Variants in CNR1 observed in about 807,000 individuals in gnomAD.
CNR1 encodes the protein cannabinoid receptor 1.
A neutral mutation model predicts 23.0 loss-of-function variants in CNR1; 10 were observed. The observed-to-expected ratio is 0.43, with a 90% CI of 0.27 to 0.74. The LOEUF is 0.74. CNR1 is among the 30% of genes least tolerant of loss of function. The probability of loss-of-function intolerance (pLI) is 0.19; values close to 1 mark genes in which losing one functional copy is unlikely to be tolerated. For missense variants in CNR1, 422 were observed against 618.8 expected (o/e 0.68, Z 3.37); for synonymous variants, 271 against 255.2 (o/e 1.06, Z -0.59).
intron 1 of CNR1, among the ~76,000 whole-genome samples, chr6:88,159,283 G>A (rs1777961744): frequency 6.6e-6 from 1 of 152,136 alleles, no homozygotes; most frequent in South Asian, 2.1e-4. Flanking sequence ...TACATCTTAA[G>A]AGATGAACCC....
rs1162534379 is a variant in CNR1, at chr6:88,145,062, G to T, written c.213C>A (p.Val71=). Residue 71 remains valine, a synonymous_variant, in exon 2 of 2, where the codon GTC becomes GTA. Coordinates refer to ENST00000369501, the MANE Select transcript of CNR1 (RefSeq NM_016083.6). ...CTGTAATGTTCACCTGGTCTGCTGG[G>T]ACTAGCTGGGGGTTGTCTCCCGCAG... The part of the protein sequence containing the change: ...KMTAGDNPQL[V]PADQVNITEF... The T allele has an allele frequency of 6.2e-7, 1 of 1,614,138 alleles. No homozygotes were observed. The highest frequency in any genetic ancestry group is 2.2e-5 in the East Asian group (1 of 44,882).
At chr6:88,156,563 C>A (rs1777810836) in intron 1 of CNR1, among the ~76,000 whole-genome samples, 1 of 152,204 alleles carries the variant, frequency 6.6e-6, no homozygotes, top group African/African-American at 2.4e-5. Flanking sequence ...TGTGTGAATT[C>A]TCTTTCTCTA....
At position 88,145,044 on chromosome 6, in the gene CNR1, G is replaced by A; in HGVS notation, c.231C>T (p.Asn77=). The A allele has an allele frequency of 1.9e-6, 3 of 1,614,106 alleles. No homozygotes were observed. Among genetic ancestry groups the A allele is most frequent in the Non-Finnish European group, 2.5e-6 (3 of 1,179,998 alleles). Residue 77 remains asparagine (N), a synonymous_variant, in exon 2 of 2, where the codon AAC becomes AAT. Coordinates refer to ENST00000369501, the MANE Select transcript of CNR1 (RefSeq NM_016083.6). ...GAGACTTGTTGTAAAATTCTGTAATGTTCACCTGGTCTGCTGGGACTAGCT... is the reference window on the plus strand; with the variant it reads ...GAGACTTGTTGTAAAATTCTGTAATATTCACCTGGTCTGCTGGGACTAGCT... ...NPQLVPADQV[N]ITEFYNKSLS...
At chr6:88,155,046 T>C (rs185286813) in intron 1 of CNR1, among the ~76,000 whole-genome samples, 156 of 152,366 alleles carry the variant, frequency 1.0e-3, no homozygotes, top group Non-Finnish European at 1.9e-3. Context: ...GTCCACAAAA[T>C]GTGTAGAAAC....
intron 1 of CNR1, among the ~76,000 whole-genome samples, 200 bp from the exon 2 acceptor site, chr6:88,145,537 G>A (rs960465653): frequency 2.6e-5 from 4 of 152,256 alleles, no homozygotes; most frequent in African/African-American, 7.2e-5. Context: ...CAGGGATGGC[G>A]TGGCACATGC....
Position 88,144,581 on chromosome 6 carries a change from T to C in CNR1, c.694A>G (p.Lys232Glu). ...LAYKRIVTRP[K>E]AVVAFCLMWT... ...ATCAGGCAAAACGCCACCACGGCCT[T>C]GGGCCTGGTGACAATCCTCTTATAG... is the stretch of plus-strand genomic sequence containing the variant. Residue 232 changes from lysine to glutamate, a missense_variant, in exon 2 of 2, where the codon AAG (lysine) becomes GAG (glutamate). Around this residue, in one of 4 missense-constraint regions of CNR1, gnomAD observed 211 missense variants for 357.3 expected, o/e 0.59. Transcript: ENST00000369501. This position sits in a 1 kb window ranked among gnomAD's most constrained non-coding sequence, Gnocchi z 7.8. The C allele has an allele frequency of 6.2e-7, 1 of 1,614,212 alleles. No individual in the cohort carries two copies. Among genetic ancestry groups the C allele is most frequent in the South Asian group, 1.1e-5 (1 of 91,082 alleles).
intron 1 of CNR1, among the ~76,000 whole-genome samples, chr6:88,154,849 G>A (rs1307481989): frequency 6.6e-6 from 1 of 152,132 alleles, no homozygotes; most frequent in East Asian, 1.9e-4. Context: ...ACAAGTGCTG[G>A]GATTACAGGC....
Position 88,145,294 on chromosome 6 carries a change from G to A in CNR1, c.-20C>T, listed in dbSNP as rs776807704. On this transcript the variant is annotated 5_prime_UTR_variant, in exon 2 of 2. Coordinates refer to ENST00000369501, the MANE Select transcript of CNR1 (RefSeq NM_016083.6). ...CTTCATAACCTCAGTCTTTGATTAG[G>A]CTGAGCTCAAAATGACTGAGAAAGT... is the stretch of plus-strand genomic sequence containing the variant. 3.2e-6 allele frequency: 5 copies of A among 1,579,808 alleles called. No individual in the cohort carries two copies. The highest frequency in any genetic ancestry group is 3.4e-4 in the Middle Eastern group (2 of 5,912).
At chr6:88,148,902 G>A (rs1036716159) in intron 1 of CNR1, among the ~76,000 whole-genome samples, 7 of 152,232 alleles carry the variant, frequency 4.6e-5, no homozygotes, top group East Asian at 1.9e-4. Flanking sequence ...AGGAGGCACT[G>A]CCAAACTGAG....
At chr6:88,166,549 C>T (rs920089388), upstream of CNR1, among the ~76,000 whole-genome samples, 2 of 152,106 alleles carry the variant, frequency 1.3e-5, no homozygotes, top group Non-Finnish European at 2.9e-5. Flanking sequence ...CCAGAGGGGA[C>T]AAGCCTCTTC....
chr6:88,147,287 G>C (rs1052421067), intron 1 of CNR1, among the ~76,000 whole-genome samples: 1 of 152,178 alleles, frequency 6.6e-6, no homozygotes, highest in Non-Finnish European at 1.5e-5. Context: ...ACTCCAGTCT[G>C]GCAACAGAGC....
At chr6:88,167,049 G>C (rs1340220054), upstream of CNR1, among the ~76,000 whole-genome samples, 1 of 151,668 alleles carries the variant, frequency 6.6e-6, no homozygotes, top group Non-Finnish European at 1.5e-5. Context: ...AGCGCCCGCC[G>C]CCCTTTCCCG....
Position 88,142,360 on chromosome 6 carries a change from T to C in CNR1, c.*1496A>G, listed in dbSNP as rs1426830920. The C allele has an allele frequency of 6.6e-6, 1 of 150,736 alleles. No homozygotes were observed. The highest frequency in any genetic ancestry group is 1.9e-4 in the East Asian group (1 of 5,340). 9.3% of individuals were successfully genotyped at this position (150,736 alleles called of 1,614,324 possible). ...TAGTGCATACTATCTACACACGCTA[T>C]TGAAAAATGTTACCATTGTTTTTCT... is the stretch of plus-strand genomic sequence containing the variant. On this transcript the variant is annotated 3_prime_UTR_variant, in exon 2 of 2. Transcript: ENST00000369501.
intron 1 of CNR1, among the ~76,000 whole-genome samples, chr6:88,159,664 G>C (rs950402567): frequency 6.6e-6 from 1 of 152,166 alleles, no homozygotes; most frequent in Non-Finnish European, 1.5e-5. Context: ...CACATACGCA[G>C]AGACACAAAA....
intron 1 of CNR1, among the ~76,000 whole-genome samples, chr6:88,161,515 C>A (rs1474418164): frequency 6.6e-6 from 1 of 152,088 alleles, no homozygotes; most frequent in Non-Finnish European, 1.5e-5. Context: ...GAAACTAGAT[C>A]AAGAATATAT....
rs746929786 is a variant in CNR1, at chr6:88,143,862, A to G, written c.1413T>C (p.Ala471=). Residue 471 remains alanine (A), a synonymous_variant, in exon 2 of 2, where the codon GCT becomes GCC. Coordinates refer to ENST00000369501, the MANE Select transcript of CNR1 (RefSeq NM_016083.6). ...MSVSTDTSAE[A]L ...TGCCAGGGAGGCATCAGGCTCACAG[A>G]GCCTCGGCAGACGTGTCTGTGGACA... is the stretch of plus-strand genomic sequence containing the variant. The G allele has an allele frequency of 9.9e-6, 16 of 1,612,242 alleles. No homozygotes were observed. The African/African-American group carries it at 2.0e-4, about 20-fold the overall frequency.
At chr6:88,145,600 G>A (rs1212689253) in intron 1 of CNR1, among the ~76,000 whole-genome samples, 1 of 152,202 alleles carries the variant, frequency 6.6e-6, no homozygotes, top group Non-Finnish European at 1.5e-5. Context: ...AAGTCAGTGT[G>A]TGAATCCAGG....
At chr6:88,155,888 A>G (rs1332165244) in intron 1 of CNR1, among the ~76,000 whole-genome samples, 1 of 152,174 alleles carries the variant, frequency 6.6e-6, no homozygotes, top group Non-Finnish European at 1.5e-5. Flanking sequence ...TGTCAGGAAT[A>G]TAGATGGTAA....
intron 1 of CNR1, among the ~76,000 whole-genome samples, chr6:88,150,121 C>T (rs1777438728): frequency 6.6e-6 from 1 of 152,208 alleles, no homozygotes; most frequent in African/African-American, 2.4e-5. Flanking sequence ...TTTGAGCCTC[C>T]ATCTCCAAGT....
Sources: gnomAD v4.1 joint callset for allele counts (sites outside exome capture counted in the v4.1 genomes callset) on GRCh38, gnomAD v4.1.1 for gene constraint, gnomAD v4.1.1 regional missense constraint, Gnocchi (gnomAD v3.1) non-coding constraint, MANE v1.5 for transcripts, NCBI Gene and HGNC (gene_info 2026-07-23, HGNC 2026-07-21) for gene names.